MERTK: variants seen among roughly 807,000 people sequenced by gnomAD.
The protein encoded by MERTK is MER proto-oncogene, tyrosine kinase, also known as tyrosine-protein kinase Mer.
In MERTK, 69 loss-of-function variants were observed where a neutral mutation model predicts 99.3. The ratio of observed to expected loss-of-function variants is 0.70; its 90% CI spans 0.57 to 0.85. The LOEUF (loss-of-function observed/expected upper bound fraction) is 0.85, where lower values mean the gene tolerates loss of function less well. Ranked by LOEUF, MERTK falls within the 40% of genes least tolerant of loss-of-function variation. The pLI is 0.00. For missense variants in MERTK, 1,125 were observed against 1,249.4 expected, an observed-to-expected ratio of 0.90 and a Z score of 1.50; for synonymous variants, 426 against 467.6, an observed-to-expected ratio of 0.91 and a Z score of 1.15.
intron 15 of MERTK, among the ~76,000 whole-genome samples, chr2:112,012,043 TG>T (rs904875309): frequency 2.0e-5 from 3 of 152,106 alleles, no homozygotes; most frequent in African/African-American, 7.2e-5. Flanking sequence ...GTAACTAGAC[TG>T]GGGGGTGTGG....
intron 4 of MERTK, among the ~76,000 whole-genome samples, chr2:111,950,844 G>C (rs1685041793): frequency 6.6e-6 from 1 of 152,134 alleles, no homozygotes; most frequent in African/African-American, 2.4e-5. Context: ...TGTTTTTATA[G>C]ATAAGTTTAG....
intron 1 of MERTK, among the ~76,000 whole-genome samples, chr2:111,910,053 A>C (rs1304137648): frequency 1.3e-5 from 2 of 152,192 alleles, no homozygotes; most frequent in African/African-American, 2.4e-5. Context: ...TGAATGGATA[A>C]AGAAAATGTG....
At chr2:111,974,769 C>CAAAAAAAAAAAAAAA (rs35594851) in intron 6 of MERTK, among the ~76,000 whole-genome samples, 12 of 53,286 alleles carry the variant, frequency 2.3e-4, no homozygotes, top group Non-Finnish European at 3.0e-4. Context: ...AGGTCCATCT[C>CAAAAAAAAAAAAAAA]AAAAAAAAAA....
At chr2:111,918,576 C>T (rs1684397562) in intron 1 of MERTK, among the ~76,000 whole-genome samples, 1 of 152,238 alleles carries the variant, frequency 6.6e-6, no homozygotes, top group African/African-American at 2.4e-5. Context: ...GTGGAGAAAG[C>T]AGAGGGAAAC....
At chr2:111,969,921 G>A (rs1441438045) in intron 6 of MERTK, among the ~76,000 whole-genome samples, 1 of 152,010 alleles carries the variant, frequency 6.6e-6, no homozygotes, top group Non-Finnish European at 1.5e-5. Flanking sequence ...TCCATCTCCT[G>A]ACCTCATGAT....
intron 8 of MERTK, among the ~76,000 whole-genome samples, chr2:111,992,392 T>C (rs948416793): frequency 4.0e-5 from 6 of 151,050 alleles, no homozygotes; most frequent in Admixed American, 3.3e-4. Flanking sequence ...GCATGAAAGC[T>C]CTGCACCCCT....
At chr2:111,941,997 C>T (rs1684874046) in intron 2 of MERTK, among the ~76,000 whole-genome samples, 1 of 152,194 alleles carries the variant, frequency 6.6e-6, no homozygotes, top group Admixed American at 6.5e-5. Flanking sequence ...TTCTCGGCTT[C>T]TGGGGGCTCT....
intron 1 of MERTK, among the ~76,000 whole-genome samples, chr2:111,906,751 A>C (rs942560103): frequency 1.3e-5 from 2 of 152,266 alleles, no homozygotes; most frequent in African/African-American, 4.8e-5. Flanking sequence ...GCAAATAAAA[A>C]AAAGAAGCTT....
At chr2:111,912,295 C>T (rs528739298) in intron 1 of MERTK, among the ~76,000 whole-genome samples, 21 of 152,218 alleles carry the variant, frequency 1.4e-4, no homozygotes, top group African/African-American at 5.1e-4. Context: ...GCATGAGCCA[C>T]CACACCCGGC....
intron 16 of MERTK, chr2:112,020,672 C>T (rs896966552): frequency 2.3e-5 from 11 of 470,964 alleles, no homozygotes; most frequent in African/African-American, 2.2e-4. Flanking sequence ...CCCATCTTCC[C>T]CAAACTCTCA....
chr2:112,010,336 G>C lies in MERTK; in HGVS notation c.2079+270G>C, dbSNP rs542541211. The C allele has an allele frequency of 4.2e-4, 165 of 397,154 alleles. 1 individual carries two copies. The Middle Eastern group carries it at 5.2e-3, about 12-fold the overall frequency. 24.6% of individuals were successfully genotyped at this position (397,154 alleles called of 1,614,324 possible). Reference sequence around the variant, plus strand: ...TACCAACTTGAGTTGGGTGGCCCAGGCTCCTGGTTCTGCACTTCACAACCC... The same window carrying C: ...TACCAACTTGAGTTGGGTGGCCCAGCCTCCTGGTTCTGCACTTCACAACCC... On this transcript the variant is annotated intron_variant, in intron 15 of 18. Coordinates refer to ENST00000295408, the MANE Select transcript of MERTK (RefSeq NM_006343.3).
chr2:111,981,285 C>A (rs1183739001), intron 7 of MERTK, among the ~76,000 whole-genome samples: 2 of 152,064 alleles, frequency 1.3e-5, no homozygotes, highest in African/African-American at 4.8e-5. Flanking sequence ...GTTTTAATTT[C>A]TAAAATGGAT....
chr2:111,911,538 A>C (rs893641872), intron 1 of MERTK, among the ~76,000 whole-genome samples: 4 of 151,420 alleles, frequency 2.6e-5, no homozygotes, highest in African/African-American at 7.3e-5. Context: ...ACAGGTGCAC[A>C]CCACCATGCC....
At chr2:111,998,668 G>A (rs185177154) in intron 10 of MERTK, among the ~76,000 whole-genome samples, 39 of 152,324 alleles carry the variant, frequency 2.6e-4, no homozygotes, top group African/African-American at 9.1e-4. Flanking sequence ...AGAAAGAGCA[G>A]GTATTCATTA....
chr2:112,000,007 A>G (rs114788905), intron 10 of MERTK, among the ~76,000 whole-genome samples: 10,322 of 152,174 alleles, frequency 0.068, 870 homozygotes, highest in East Asian at 0.47. Flanking sequence ...GTACATTCGC[A>G]AGGGTGGGGG....
intron 10 of MERTK, among the ~76,000 whole-genome samples, chr2:111,999,911 G>T (rs1676834306): frequency 6.6e-6 from 1 of 152,126 alleles, no homozygotes; most frequent in Non-Finnish European, 1.5e-5. Flanking sequence ...GTAAGCAGGG[G>T]GTGGATCTTG....
chr2:111,957,206 C>T (rs571315052), intron 4 of MERTK, among the ~76,000 whole-genome samples: 7 of 151,722 alleles, frequency 4.6e-5, no homozygotes, highest in Non-Finnish European at 7.4e-5. Flanking sequence ...CAGGTGTGAG[C>T]CACTGCGCCC....
At chr2:111,985,952 C>T (rs955656724) in intron 8 of MERTK, among the ~76,000 whole-genome samples, 1 of 152,196 alleles carries the variant, frequency 6.6e-6, no homozygotes, top group Admixed American at 6.5e-5. Flanking sequence ...TGAGCAGATG[C>T]ATCCACTGAT....
At position 112,018,000 on chromosome 2, in the gene MERTK, T is replaced by C. The variant is rs534066178; in HGVS notation, c.2080-1413T>C. Among the ~76,000 whole-genome samples the C allele has an allele frequency of 2.0e-5, 3 of 152,302 alleles. No individual in the cohort carries two copies. In the South Asian group the frequency reaches 6.2e-4, roughly 32 times the overall value. On this transcript the variant is annotated intron_variant, in intron 15 of 18. Coordinates refer to ENST00000295408, the MANE Select transcript of MERTK (RefSeq NM_006343.3). Reference sequence around the variant, plus strand: ...GTTCCAGAGTTGGCTAGGTGGGTGCTTGAGGAATTAATTGAGAAATTAAAG... The same window carrying C: ...GTTCCAGAGTTGGCTAGGTGGGTGCCTGAGGAATTAATTGAGAAATTAAAG...
Sources: gnomAD v4.1 joint callset for allele counts (sites outside exome capture counted in the v4.1 genomes callset) on GRCh38, gnomAD v4.1.1 for gene constraint, MANE v1.5 for transcripts, NCBI Gene and HGNC (gene_info 2026-07-23, HGNC 2026-07-21) for gene names.